Variants in KIR2DL3 observed in about 807,000 individuals in gnomAD.
KIR2DL3 encodes killer cell immunoglobulin like receptor, two Ig domains and long cytoplasmic tail 3, also known as killer cell immunoglobulin-like receptor 2DL3.
KIR2DL3 carries 39 observed loss-of-function variants against 33.8 expected under a neutral mutation model. The observed-to-expected ratio is 1.15, with a 90% CI of 0.89 to 1.51. The LOEUF is 1.51. KIR2DL3 is among the 40% of genes most tolerant of loss of function. KIR2DL3 has a pLI of 0.00. For missense variants in KIR2DL3, 462 were observed against 426.2 expected, an observed-to-expected ratio of 1.08 and a Z score of -0.74; for synonymous variants, 174 against 160.2, an observed-to-expected ratio of 1.09 and a Z score of -0.65.
intron 4 of KIR2DL3, among the ~76,000 whole-genome samples, chr19:54,745,617 G>T (rs2072353756): frequency 6.6e-6 from 1 of 150,506 alleles, no homozygotes; most frequent in Admixed American, 6.7e-5. Context: ...GCCCGCCTCG[G>T]TCTCCCAAAG....
intron 5 of KIR2DL3, among the ~76,000 whole-genome samples, chr19:54,748,633 G>C (rs1297303567): frequency 1.4e-5 from 2 of 146,646 alleles, no homozygotes; most frequent in Non-Finnish European, 3.0e-5. Flanking sequence ...TTGTTCTTTT[G>C]TTTATTGAGA....
At chr19:54,749,099 C>T (rs200849423) in intron 5 of KIR2DL3, among the ~76,000 whole-genome samples, 15 of 149,268 alleles carry the variant, frequency 1.0e-4, no homozygotes, top group South Asian at 4.2e-4. Flanking sequence ...AAGGTGAAAA[C>T]AATCTGATGT....
At chr19:54,744,938 ATATATATATATATATATTTTTTTT>A (rs1406064412) in intron 4 of KIR2DL3, among the ~76,000 whole-genome samples, 6 of 22,148 alleles carry the variant, frequency 2.7e-4, no homozygotes, top group Non-Finnish European at 3.6e-4. Context: ...ATATATATAT[ATATATATATATATATATTTTTTTT>A]TTTTTTTTTT....
Position 54,752,337 on chromosome 19 carries a change from C to T in KIR2DL3, c.874-30C>T, listed in dbSNP as rs376140135. The T allele has an allele frequency of 6.9e-5, 103 of 1,483,036 alleles. 14 individuals carry two copies. Among genetic ancestry groups the T allele is most frequent in the Admixed American group, 2.2e-4 (12 of 55,338 alleles). The allele number at this position is 1,483,036 out of a possible 1,614,324, so 91.9% of individuals were successfully genotyped here. ...AAGAGTCCTGGAAAATGTGAGCACC[C>T]TCCCTCACTCAGCATTTCCCTCTCT... On this transcript the variant is annotated intron_variant, in intron 7 of 7. Coordinates refer to ENST00000342376, the MANE Select transcript of KIR2DL3 (RefSeq NM_015868.3).
In KIR2DL3 at chr19:54,748,197, G is replaced by C. The variant is rs1412469268; in HGVS notation, c.715+812G>C. Among the ~76,000 whole-genome samples the C allele has an allele frequency of 2.6e-5, 4 of 151,606 alleles. No individual in the cohort carries two copies. The South Asian group carries it at 8.4e-4, about 32-fold the overall frequency. On this transcript the variant is annotated intron_variant, in intron 5 of 7. Coordinates refer to ENST00000342376, the MANE Select transcript of KIR2DL3 (RefSeq NM_015868.3). ...GTCACATCTCACATGGCATCACTCA[G>C]TGCCTTCTTCCTTACCACACCTCTT... is the stretch of plus-strand genomic sequence containing the variant.
At position 54,742,072 on chromosome 19, in the gene KIR2DL3, T is replaced by C. The variant is rs1308704433; in HGVS notation, c.163T>C (p.Phe55Leu). Residue 55 changes from phenylalanine to leucine, a missense_variant, in exon 3 of 8, where the codon TTT becomes CTT. Coordinates refer to ENST00000342376, the MANE Select transcript of KIR2DL3 (RefSeq NM_015868.3). ...VILQCWSDVRFQHFLLHREGK... is the reference protein window; with the variant it reads ...VILQCWSDVRLQHFLLHREGK... ...CCTGCAATGTTGGTCAGATGTCAGG[T>C]TTCAGCACTTCCTTCTGCACAGAGA... The C allele has an allele frequency of 4.3e-6, 7 of 1,613,284 alleles. No homozygotes were observed. Among genetic ancestry groups the C allele is most frequent in the Non-Finnish European group, 5.9e-6 (7 of 1,179,734 alleles).
At chr19:54,748,248 C>G (rs1336970822) in intron 5 of KIR2DL3, among the ~76,000 whole-genome samples, 1 of 151,860 alleles carries the variant, frequency 6.6e-6, no homozygotes, top group African/African-American at 2.4e-5. Flanking sequence ...CTCCCTTCTT[C>G]CTTATCTTTT....
chr19:54,748,407 C>G (rs553026752), intron 5 of KIR2DL3, among the ~76,000 whole-genome samples: 27 of 141,258 alleles, frequency 1.9e-4, no homozygotes, highest in Admixed American at 3.7e-4. Flanking sequence ...TGTAAAATAA[C>G]ATATTCACAA....
intron 4 of KIR2DL3, among the ~76,000 whole-genome samples, chr19:54,745,002 C>T (rs1416850365): frequency 2.3e-5 from 3 of 129,272 alleles, no homozygotes; most frequent in Non-Finnish European, 3.2e-5. Context: ...TATTCCTGGC[C>T]TCTGGAAGCC....
chr19:54,741,417 A>T (rs1324668919), intron 2 of KIR2DL3, among the ~76,000 whole-genome samples: 2 of 152,056 alleles, frequency 1.3e-5, no homozygotes, highest in African/African-American at 4.8e-5. Flanking sequence ...TGGGATGATG[A>T]TGCCACCACC....
At chr19:54,748,996 A>T (rs2073010074) in intron 5 of KIR2DL3, among the ~76,000 whole-genome samples, 1 of 151,976 alleles carries the variant, frequency 6.6e-6, no homozygotes, top group Non-Finnish European at 1.5e-5. Context: ...CTCACTATTC[A>T]GATATTTGTG....
chr19:54,742,364 G>A (rs1600339293), intron 3 of KIR2DL3, 85 bp downstream of exon 3: 8 of 1,536,038 alleles, frequency 5.2e-6, no homozygotes, highest in Middle Eastern at 3.7e-4. Context: ...TTGTAAGGAA[G>A]ATGAGCTTGG....
At position 54,751,053 on chromosome 19, in the gene KIR2DL3, G is replaced by C. The variant is rs77726204; in HGVS notation, c.716-596G>C. ...TTGCTCTAAAGGAACACTTGAGCCT[G>C]GGTAACTTCTAGAGAAAAGAGATTG... On this transcript the variant is annotated intron_variant, in intron 5 of 7. Coordinates refer to ENST00000342376, the MANE Select transcript of KIR2DL3 (RefSeq NM_015868.3). Among the ~76,000 whole-genome samples, 222 of 118,696 alleles carry C rather than the reference G, an allele frequency of 1.9e-3. 19 individuals carry two copies. The highest frequency in any genetic ancestry group is 4.5e-3 in the Middle Eastern group (1 of 222). 77.9% of individuals were successfully genotyped at this position (118,696 alleles called of 152,430 possible).
At chr19:54,746,512 T>C (rs2072511110) in intron 4 of KIR2DL3, among the ~76,000 whole-genome samples, 1 of 148,538 alleles carries the variant, frequency 6.7e-6, no homozygotes, top group South Asian at 2.2e-4. Flanking sequence ...CTTCTACGTG[T>C]TTCATAGGTT....
chr19:54,748,045 C>G (rs1456931890), intron 5 of KIR2DL3, among the ~76,000 whole-genome samples: 16 of 151,906 alleles, frequency 1.1e-4, no homozygotes, highest in African/African-American at 3.6e-4. Flanking sequence ...ATCAAGGTGA[C>G]AGCAAGGCTG....
chr19:54,744,005 G>A lies in KIR2DL3; in HGVS notation c.581G>A (p.Gly194Glu). The A allele has an allele frequency of 4.3e-6, 7 of 1,614,194 alleles. No homozygotes were observed. Among genetic ancestry groups the A allele is most frequent in the Non-Finnish European group, 5.1e-6 (6 of 1,180,006 alleles). Reference protein sequence around the residue: ...DFPLGPATHGGTYRCFGSFRD... With the variant: ...DFPLGPATHGETYRCFGSFRD... The stretch of plus-strand genomic sequence containing the variant: ...CCTCTGGGCCCTGCCACCCACGGAG[G>A]AACCTACAGATGCTTCGGCTCTTTC... The change falls in exon 4 of 8, where the codon GGA (glycine) becomes GAA (glutamate). Residue 194 changes from glycine to glutamate, a missense_variant. Gly to Glu is a moderately conservative substitution (Grantham distance 98). Transcript: ENST00000342376.
intron 5 of KIR2DL3, among the ~76,000 whole-genome samples, chr19:54,748,066 G>A (rs1444573275): frequency 1.3e-5 from 2 of 151,038 alleles, no homozygotes; most frequent in Non-Finnish European, 3.0e-5. Flanking sequence ...CCTTCCCTCT[G>A]AGGATTCCAG....
chr19:54,743,346 T>C (rs2071553019), intron 3 of KIR2DL3, among the ~76,000 whole-genome samples: 1 of 151,786 alleles, frequency 6.6e-6, no homozygotes, highest in South Asian at 2.1e-4. Flanking sequence ...TAACAGATGA[T>C]TGATGGATAG....
At chr19:54,750,831 A>G (rs1400106406) in intron 5 of KIR2DL3, among the ~76,000 whole-genome samples, 1 of 133,956 alleles carries the variant, frequency 7.5e-6, no homozygotes, top group Admixed American at 7.7e-5. Context: ...CTCGGGACAT[A>G]TGGAGTCACC....
Sources: gnomAD v4.1 joint callset for allele counts (sites outside exome capture counted in the v4.1 genomes callset) on GRCh38, gnomAD v4.1.1 for gene constraint, MANE v1.5 for transcripts, NCBI Gene and HGNC (gene_info 2026-07-23, HGNC 2026-07-21) for gene names.